Variants in TMEM74 observed in about 807,000 individuals in gnomAD.
TMEM74 encodes transmembrane protein 74.
TMEM74 carries 13 observed loss-of-function variants against 18.1 expected under a neutral mutation model. The ratio of observed to expected loss-of-function variants is 0.72; its 90% confidence interval spans 0.47 to 1.14. TMEM74 has a LOEUF of 1.14. TMEM74 is among the 50% of genes most tolerant of loss of function. The probability of loss-of-function intolerance (pLI) is 0.00; values close to 1 mark genes in which losing one functional copy is unlikely to be tolerated. For missense variants in TMEM74, 372 were observed against 375.9 expected, an observed-to-expected ratio of 0.99 and a Z score of 0.09; for synonymous variants, 159 against 146.6, an observed-to-expected ratio of 1.08 and a Z score of -0.61.
At chr8:108,653,263 ATTGAAGACAGGAAT>A (rs966824754) in intron 2 of TMEM74, 2 of 156,022 alleles carry the variant, frequency 1.3e-5, no homozygotes, top group African/African-American at 4.8e-5. Context: ...GGCCTGAAGC[ATTGAAGACAGGAAT>A]TTCTTCCAAA....
chr8:108,699,473 C>T (rs1813315055), intron 1 of TMEM74, among the ~76,000 whole-genome samples: 1 of 151,938 alleles, frequency 6.6e-6, no homozygotes, highest in African/African-American at 2.4e-5. Context: ...TCAAAACAAG[C>T]AAACAAGTAA....
intron 1 of TMEM74, among the ~76,000 whole-genome samples, chr8:108,736,022 A>T (rs1282110153): frequency 6.6e-6 from 1 of 151,880 alleles, no homozygotes; most frequent in Non-Finnish European, 1.5e-5. Context: ...ATGAAGTCCT[A>T]GCTTTGGATT....
chr8:108,698,886 TA>T (rs1388597471), intron 1 of TMEM74, among the ~76,000 whole-genome samples: 7 of 152,286 alleles, frequency 4.6e-5, no homozygotes, highest in Admixed American at 3.9e-4. Flanking sequence ...CCTCATTCTA[TA>T]AATCCCTATT....
At chr8:108,635,575 C>T (rs1440151128) in intron 2 of TMEM74, among the ~76,000 whole-genome samples, 6 of 152,010 alleles carry the variant, frequency 3.9e-5, no homozygotes, top group African/African-American at 1.4e-4. Context: ...CCAGACAAGA[C>T]AATTCTCATT....
chr8:108,678,897 C>G (rs574567842), intron 1 of TMEM74, among the ~76,000 whole-genome samples: 3 of 118,800 alleles, frequency 2.5e-5, no homozygotes, highest in Non-Finnish European at 3.4e-5. Context: ...TCCTCCCCCC[C>G]TCCCCCCACC....
intron 1 of TMEM74, among the ~76,000 whole-genome samples, chr8:108,787,194 C>A (rs997129241): frequency 2.0e-5 from 3 of 152,192 alleles, no homozygotes; most frequent in Non-Finnish European, 4.4e-5. Flanking sequence ...ACAGGCAAGG[C>A]TGATCTCGGG....
chr8:108,745,689 C>T (rs1338126988), intron 1 of TMEM74, among the ~76,000 whole-genome samples: 1 of 152,052 alleles, frequency 6.6e-6, no homozygotes, highest in Admixed American at 6.6e-5. Context: ...AGGGAGGAGA[C>T]ACCCCTCATA....
chr8:108,612,575 C>T (rs966490441), intron 2 of TMEM74, among the ~76,000 whole-genome samples: 8 of 152,118 alleles, frequency 5.3e-5, no homozygotes, highest in Non-Finnish European at 4.4e-5. Context: ...TAACAGGAGT[C>T]AATCTAAGAA....
At chr8:108,744,264 T>C (rs191415913) in intron 1 of TMEM74, among the ~76,000 whole-genome samples, 156 of 152,278 alleles carry the variant, frequency 1.0e-3, no homozygotes, top group Non-Finnish European at 2.0e-3. Flanking sequence ...GAATTTTCCC[T>C]ACTCAAAATA....
intron 1 of TMEM74, among the ~76,000 whole-genome samples, chr8:108,672,980 T>C (rs531763700): frequency 3.0e-4 from 46 of 152,304 alleles, no homozygotes; most frequent in African/African-American, 1.1e-3. Context: ...ACAGATAGTT[T>C]TGACATGAAG....
chr8:108,654,833 C>T (rs539089275), intron 2 of TMEM74, among the ~76,000 whole-genome samples: 37 of 151,874 alleles, frequency 2.4e-4, no homozygotes, highest in Non-Finnish European at 4.9e-4. Context: ...TGATAAAGTT[C>T]CTGGTGCATG....
chr8:108,787,151 A>G (rs1377240401), intron 1 of TMEM74, among the ~76,000 whole-genome samples: 1 of 152,108 alleles, frequency 6.6e-6, no homozygotes, highest in Non-Finnish European at 1.5e-5. Flanking sequence ...ATCTGTCATC[A>G]ATTAAAAGCA....
chr8:108,703,027 T>C (rs1813352559), intron 1 of TMEM74, among the ~76,000 whole-genome samples: 1 of 152,098 alleles, frequency 6.6e-6, no homozygotes, highest in East Asian at 1.9e-4. Flanking sequence ...TTCTAGACCT[T>C]GCTCTGCAGC....
intron 1 of TMEM74, among the ~76,000 whole-genome samples, chr8:108,721,270 C>G (rs1042720895): frequency 1.3e-5 from 2 of 152,224 alleles, no homozygotes; most frequent in Non-Finnish European, 2.9e-5. Context: ...CATCTCTCCT[C>G]TCTACCAAGA....
rs1814411732 is a variant in TMEM74 at position 108,787,572 on chromosome 8, G to A, written c.-136C>T. ...CCAATCACCAGCTACGGCACTTGTA[G>A]CCTCTGCACGCCGCTCGGCTCCGCC... is the stretch of plus-strand genomic sequence containing the variant. On this transcript the variant is annotated 5_prime_UTR_variant, in exon 1 of 2. Transcript: ENST00000297459. 1 of 152,116 alleles carries A rather than the reference G, an allele frequency of 6.6e-6. No homozygotes were observed. The highest frequency in any genetic ancestry group is 2.1e-4 in the South Asian group (1 of 4,818). The allele number at this position is 152,116 out of a possible 1,614,324, so 9.4% of individuals were successfully genotyped here.
chr8:108,660,224 C>A (rs1205343831), intron 1 of TMEM74, among the ~76,000 whole-genome samples: 1 of 152,168 alleles, frequency 6.6e-6, no homozygotes. Context: ...GCAATTCTTT[C>A]TCCTAAATCT....
intron 2 of TMEM74, among the ~76,000 whole-genome samples, chr8:108,647,329 G>C (rs2130567665): frequency 6.6e-6 from 1 of 152,278 alleles, no homozygotes; most frequent in African/African-American, 2.4e-5. Flanking sequence ...GAGATGTCTA[G>C]TTTGGCAAAT....
intron 1 of TMEM74, among the ~76,000 whole-genome samples, chr8:108,772,713 TG>T (rs1395715725): frequency 3.9e-5 from 6 of 151,938 alleles, no homozygotes; most frequent in Non-Finnish European, 8.8e-5. Context: ...GTGTTAGATC[TG>T]GGTGGGAAGG....
chr8:108,657,875 T>A (rs866730960), intron 1 of TMEM74, among the ~76,000 whole-genome samples: 15,641 of 54,782 alleles, frequency 0.29, 3,150 homozygotes, highest in Non-Finnish European at 0.31. Context: ...TATATATATA[T>A]ATATATATAT....
Sources: gnomAD v4.1 joint callset for allele counts (sites outside exome capture counted in the v4.1 genomes callset) on GRCh38, gnomAD v4.1.1 for gene constraint, MANE v1.5 for transcripts, NCBI Gene and HGNC (gene_info 2026-07-23, HGNC 2026-07-21) for gene names.